MACROD2: variants seen among roughly 807,000 people sequenced by gnomAD.
MACROD2 encodes mono-ADP ribosylhydrolase 2, also known as ADP-ribose glycohydrolase MACROD2.
In MACROD2, 36 loss-of-function variants were observed where a neutral mutation model predicts 70.4. The observed-to-expected ratio is 0.51, with a 90% CI of 0.39 to 0.68. The LOEUF is 0.68. Ranked by LOEUF, MACROD2 falls within the 30% of genes least tolerant of loss-of-function variation. The probability of loss-of-function intolerance (pLI) is 0.00; values close to 1 mark genes in which losing one functional copy is unlikely to be tolerated. For synonymous variants in MACROD2, 172 were observed against 178.8 expected (o/e 0.96, Z 0.30); for missense variants, 496 against 538.4 (o/e 0.92, Z 0.78).
At chr20:15,144,675 C>G (rs1027380331) in intron 5 of MACROD2, among the ~76,000 whole-genome samples, 6 of 152,112 alleles carry the variant, frequency 3.9e-5, no homozygotes, top group African/African-American at 1.4e-4. Flanking sequence ...AAATGTCACA[C>G]TATGACTGAG....
At chr20:15,885,219 T>C (rs1348553384) in intron 9 of MACROD2, among the ~76,000 whole-genome samples, 1 of 152,086 alleles carries the variant, frequency 6.6e-6, no homozygotes, top group Non-Finnish European at 1.5e-5. Flanking sequence ...TGGGAGATGA[T>C]GGGAGCTAAA....
chr20:14,684,779 A>T lies in MACROD2; in HGVS notation c.302-64A>T, dbSNP rs2070982387. ...CAAATTGAGTTCTCTTCCTCTTCCC[A>T]TCTTGAGCTTTATATTTATTTCCAA... On this transcript the variant is annotated intron_variant, in intron 4 of 17. Transcript: ENST00000684519. 4.5e-6 allele frequency: 6 copies of T among 1,348,016 alleles called. No homozygotes were observed. The East Asian group carries it at 6.9e-5, about 16-fold the overall frequency. The allele number at this position is 1,348,016 out of a possible 1,614,324, so 83.5% of individuals were successfully genotyped here.
At chr20:14,900,370 T>C (rs2073880736) in intron 5 of MACROD2, among the ~76,000 whole-genome samples, 1 of 152,140 alleles carries the variant, frequency 6.6e-6, no homozygotes, top group Non-Finnish European at 1.5e-5. Context: ...ATTAGAAGAA[T>C]GTGAGGATTA....
chr20:14,558,703 C>T (rs1292105554), intron 4 of MACROD2, among the ~76,000 whole-genome samples: 1 of 151,694 alleles, frequency 6.6e-6, no homozygotes, highest in Non-Finnish European at 1.5e-5. Flanking sequence ...TGAAACATTA[C>T]ATCTAAATTT....
chr20:15,920,663 G>T (rs748713479), intron 10 of MACROD2, among the ~76,000 whole-genome samples: 1 of 152,114 alleles, frequency 6.6e-6, no homozygotes. Context: ...TGGAATGCAG[G>T]GTGGCATCAA....
intron 5 of MACROD2, among the ~76,000 whole-genome samples, chr20:14,854,454 C>T (rs535200194): frequency 4.6e-5 from 7 of 152,192 alleles, no homozygotes; most frequent in Admixed American, 6.5e-5. Context: ...CTGGACTTAA[C>T]GCCTGGAATG....
At chr20:14,629,969 A>ATCTC in intron 4 of MACROD2, among the ~76,000 whole-genome samples, 1 of 151,330 alleles carries the variant, frequency 6.6e-6, no homozygotes, top group African/African-American at 2.4e-5. Context: ...CTATCTATCT[A>ATCTC]TCTATCTATC....
chr20:15,549,900 C>T (rs985831219), intron 8 of MACROD2, among the ~76,000 whole-genome samples: 8 of 151,690 alleles, frequency 5.3e-5, no homozygotes, highest in Admixed American at 3.3e-4. Flanking sequence ...ATTAAGTTTG[C>T]GACATTGCTG....
intron 8 of MACROD2, among the ~76,000 whole-genome samples, chr20:15,536,336 G>A (rs1314972061): frequency 6.6e-6 from 1 of 152,176 alleles, no homozygotes; most frequent in Non-Finnish European, 1.5e-5. Flanking sequence ...CAAATGAAGA[G>A]ACCGGAGCCT....
chr20:14,925,276 G>A (rs866763839), intron 5 of MACROD2, among the ~76,000 whole-genome samples: 19 of 151,918 alleles, frequency 1.3e-4, no homozygotes, highest in Admixed American at 5.9e-4. Flanking sequence ...AAATAATATT[G>A]TGGTGCTATT....
chr20:16,020,332 C>A (rs1317854822), intron 15 of MACROD2, among the ~76,000 whole-genome samples: 1 of 152,030 alleles, frequency 6.6e-6, no homozygotes, highest in Non-Finnish European at 1.5e-5. Flanking sequence ...CCTGGCCATT[C>A]CCATTCATCC....
At chr20:15,870,096 C>T (rs1001799465) in intron 9 of MACROD2, among the ~76,000 whole-genome samples, 14 of 151,934 alleles carry the variant, frequency 9.2e-5, no homozygotes, top group Admixed American at 6.6e-4. Flanking sequence ...TTATTTTGAC[C>T]TCCTTATAGT....
chr20:14,028,447 C>G (rs1409909073), intron 2 of MACROD2, among the ~76,000 whole-genome samples: 1 of 152,044 alleles, frequency 6.6e-6, no homozygotes, highest in East Asian at 1.9e-4. Context: ...GTCTTGCTGG[C>G]GTTCCAGGCG....
chr20:14,511,760 G>A (rs1178281491), intron 4 of MACROD2, among the ~76,000 whole-genome samples: 3 of 150,188 alleles, frequency 2.0e-5, no homozygotes, highest in African/African-American at 2.4e-5. Flanking sequence ...GTTGCTGACA[G>A]AAAAAAAAAA....
chr20:15,147,427 G>A lies in MACROD2; in HGVS notation c.419-82513G>A, dbSNP rs934459540. Among the ~76,000 whole-genome samples the A allele has an allele frequency of 8.7e-5, 5 of 57,266 alleles. No homozygotes were observed. The East Asian group carries it at 6.6e-3, about 75-fold the overall frequency. 37.6% of individuals were successfully genotyped at this position (57,266 alleles called of 152,430 possible). ...ACTCTGTGTGTGTAAAACGGAGTTA[G>A]CATTTTTTTTTTTTTTTTACCCAGC... On this transcript the variant is annotated intron_variant, in intron 5 of 17. Transcript: ENST00000684519.
At chr20:14,790,774 G>T (rs566289419) in intron 5 of MACROD2, among the ~76,000 whole-genome samples, 1 of 152,064 alleles carries the variant, frequency 6.6e-6, no homozygotes, top group African/African-American at 2.4e-5. Context: ...GAATGAATTT[G>T]TAAGTGGAGT....
At chr20:15,165,936 A>G (rs2076380534) in intron 5 of MACROD2, among the ~76,000 whole-genome samples, 1 of 152,226 alleles carries the variant, frequency 6.6e-6, no homozygotes, top group South Asian at 2.1e-4. Context: ...AACTATGGAT[A>G]CATATTACAA....
intron 5 of MACROD2, chr20:15,196,776 C>T: frequency 1.5e-6 from 1 of 674,986 alleles, no homozygotes; most frequent in South Asian, 6.6e-5. Context: ...TCAGGAAGTA[C>T]CCACTTCAGC....
chr20:15,468,747 G>A (rs915810304), intron 7 of MACROD2, among the ~76,000 whole-genome samples: 46 of 152,238 alleles, frequency 3.0e-4, no homozygotes, highest in African/African-American at 1.1e-3. Flanking sequence ...AAAAGGCCAT[G>A]CTCTAAGCCA....
Sources: gnomAD v4.1 joint callset for allele counts (sites outside exome capture counted in the v4.1 genomes callset) on GRCh38, gnomAD v4.1.1 for gene constraint, MANE v1.5 for transcripts, NCBI Gene and HGNC (gene_info 2026-07-23, HGNC 2026-07-21) for gene names.